The following MID2 variants were observed in gnomAD, a reference collection of about 807,000 sequenced individuals.
The protein encoded by MID2 is probable E3 ubiquitin-protein ligase MID2.
In MID2, 13 loss-of-function variants were observed where a neutral mutation model predicts 46.1. The ratio of observed to expected loss-of-function variants is 0.28; its 90% CI spans 0.18 to 0.45. MID2 has a LOEUF of 0.45. Ranked by LOEUF, MID2 falls within the 20% of genes least tolerant of loss-of-function variation. The probability of loss-of-function intolerance (pLI) is 1.00; values close to 1 mark genes in which losing one functional copy is unlikely to be tolerated. For synonymous variants in MID2, 199 were observed against 212.3 expected (o/e 0.94, Z 0.55); for missense variants, 431 against 575.4 (o/e 0.75, Z 2.57).
intron 1 of MID2, among the ~76,000 whole-genome samples, chrX:107,840,098 TC>T (rs755490200): frequency 1.8e-5 from 2 of 112,602 alleles, no homozygotes; most frequent in South Asian, 7.4e-4. Flanking sequence ...AAGTTCACAC[TC>T]TGAGGAAAAA....
chrX:107,859,124 A>G (rs936015697), intron 3 of MID2, among the ~76,000 whole-genome samples: 21 of 111,875 alleles, frequency 1.9e-4, no homozygotes, highest in Non-Finnish European at 3.2e-4. Flanking sequence ...TTGGAAGGAT[A>G]TTTAGTTTGG....
intron 5 of MID2, among the ~76,000 whole-genome samples, chrX:107,906,038 T>TA (rs1356159095): frequency 8.9e-6 from 1 of 112,075 alleles, no homozygotes; most frequent in Non-Finnish European, 1.9e-5. Flanking sequence ...GGCCTTTATT[T>TA]AATCACTCAC....
chrX:107,850,828 C>T (rs1298318855), intron 2 of MID2, among the ~76,000 whole-genome samples: 1 of 111,819 alleles, frequency 8.9e-6, no homozygotes, highest in Non-Finnish European at 1.9e-5. Context: ...AAGAGGAACA[C>T]ATAGCAGAGA....
Position 107,928,139 on chromosome X carries a change from TTTAC to T in MID2, c.*1070_*1073del, listed in dbSNP as rs1933218596. ...CAGTGAAGGCTCTTTAGGAACCTAC[TTTAC>T]TTAATCAGTAAAAATTGAGTATTAT... is the stretch of plus-strand genomic sequence containing the variant. On this transcript the variant is annotated 3_prime_UTR_variant, in exon 10 of 10. Coordinates refer to ENST00000262843, the MANE Select transcript of MID2 (RefSeq NM_012216.4). Among the ~76,000 whole-genome samples the T allele has an allele frequency of 8.9e-6, 1 of 112,316 alleles. No homozygotes were observed. Among genetic ancestry groups the T allele is most frequent in the Non-Finnish European group, 1.9e-5 (1 of 53,255 alleles).
chrX:107,880,753 A>G (rs753350718), intron 3 of MID2, among the ~76,000 whole-genome samples: 1 of 112,048 alleles, frequency 8.9e-6, no homozygotes, highest in Non-Finnish European at 1.9e-5. Flanking sequence ...GTGGTCTCTC[A>G]TTAGCTTTAC....
intron 3 of MID2, among the ~76,000 whole-genome samples, chrX:107,878,408 C>T (rs920955866): frequency 8.9e-6 from 1 of 112,267 alleles, no homozygotes; most frequent in Admixed American, 9.4e-5. Flanking sequence ...TAAGAACAAA[C>T]GGAAATCACA....
intron 7 of MID2, among the ~76,000 whole-genome samples, chrX:107,922,085 C>T (rs1028339301): frequency 9.0e-6 from 1 of 111,655 alleles, no homozygotes; most frequent in East Asian, 2.8e-4. Flanking sequence ...TGTGCACATA[C>T]ACAAACATAT....
At chrX:107,828,785 T>G (rs1931025527) in intron 1 of MID2, among the ~76,000 whole-genome samples, 1 of 112,702 alleles carries the variant, frequency 8.9e-6, no homozygotes, top group Non-Finnish European at 1.9e-5. Flanking sequence ...TCATAGTTGG[T>G]GCACTTGTGT....
rs1176179640 is a variant in MID2, at chrX:107,926,271, A to C, written c.1775A>C (p.Tyr592Ser). ...GNIFIDSGCH[Y>S]WEVVMGSSTW... ...ATATTCATTGACAGTGGCTGCCACT[A>C]TTGGGAGGTGGTCATGGGTTCCTCA... Residue 592 changes from tyrosine to serine, a missense_variant, in exon 9 of 10, where the codon TAT becomes TCT. Tyr to Ser is a moderately radical substitution (Grantham distance 144). Transcript: ENST00000262843. 1 of 1,209,803 alleles carries C rather than the reference A, an allele frequency of 8.3e-7. No individual in the cohort carries two copies. The highest frequency in any genetic ancestry group is 1.8e-5 in the South Asian group (1 of 56,742).
intron 3 of MID2, among the ~76,000 whole-genome samples, chrX:107,892,895 T>C (rs1932634070): frequency 8.9e-6 from 1 of 112,668 alleles, no homozygotes; most frequent in Non-Finnish European, 1.9e-5. Context: ...GTAGCACTCC[T>C]CAAACAGGTA....
At chrX:107,890,399 C>T (rs1932571374) in intron 3 of MID2, among the ~76,000 whole-genome samples, 1 of 112,086 alleles carries the variant, frequency 8.9e-6, no homozygotes, top group African/African-American at 3.2e-5. Context: ...ACCCTGTTTG[C>T]CTGGGTATCA....
In MID2 at chrX:107,826,165, G is replaced by T. The variant is rs982157989; in HGVS notation, c.-262G>T. 1.0e-5 allele frequency: 3 copies of T among 295,718 alleles called. No individual in the cohort carries two copies. The highest frequency in any genetic ancestry group is 1.2e-4 in the Admixed American group (2 of 16,305). The allele number at this position is 295,718 out of a possible 1,213,427, so 24.4% of individuals were successfully genotyped here. On this transcript the variant is annotated 5_prime_UTR_variant, in exon 1 of 10. Transcript: ENST00000262843. ...GGCGAAAACTCTTAAGTTTAGCTCG[G>T]GAGGCCCAGCTGCGGTAGCATCGCG...
Position 107,866,064 on chromosome X carries a change from A to G in MID2, c.816+11360A>G, listed in dbSNP as rs763120295. Among the ~76,000 whole-genome samples, 23 of 112,345 alleles carry G rather than the reference A, an allele frequency of 2.0e-4. No homozygotes were observed. In the South Asian group the frequency reaches 8.5e-3, roughly 41 times the overall value. ...GAAGGAGAAACAATTACACGATGCCAGTTTACTCTATAGTGCACATATAAT... is the reference window on the plus strand; with the variant it reads ...GAAGGAGAAACAATTACACGATGCCGGTTTACTCTATAGTGCACATATAAT... On this transcript the variant is annotated intron_variant, in intron 3 of 9. Coordinates refer to ENST00000262843, the MANE Select transcript of MID2 (RefSeq NM_012216.4).
chrX:107,905,169 A>G (rs1304378299), intron 4 of MID2, among the ~76,000 whole-genome samples: 3 of 111,534 alleles, frequency 2.7e-5, no homozygotes, highest in African/African-American at 6.5e-5. Context: ...TGAATTTTCT[A>G]TAATGGGCAT....
intron 1 of MID2, among the ~76,000 whole-genome samples, chrX:107,829,335 A>G (rs1411271586): frequency 8.9e-6 from 1 of 112,160 alleles, no homozygotes; most frequent in Non-Finnish European, 1.9e-5. Flanking sequence ...TTTTTCTCCA[A>G]TACATGTTCA....
intron 1 of MID2, among the ~76,000 whole-genome samples, chrX:107,830,969 A>G (rs536217798): frequency 9.0e-6 from 1 of 111,262 alleles, no homozygotes. Context: ...ATAGGCAGAT[A>G]TAATCCTTTT....
intron 6 of MID2, 111 bp from the exon 7 acceptor site, chrX:107,917,395 A>G (rs1246081111): frequency 3.2e-6 from 2 of 627,443 alleles, no homozygotes; most frequent in Admixed American, 2.9e-5. Context: ...AAGATTCTCT[A>G]TTAAGAAAAT....
intron 5 of MID2, among the ~76,000 whole-genome samples, chrX:107,907,506 C>G (rs1272084998): frequency 8.9e-6 from 1 of 111,875 alleles, no homozygotes; most frequent in Non-Finnish European, 1.9e-5. Flanking sequence ...AGAGATGTCT[C>G]TTCATTTGTG....
chrX:107,849,415 G>A (rs1275096445), intron 2 of MID2, among the ~76,000 whole-genome samples: 2 of 110,124 alleles, frequency 1.8e-5, no homozygotes, highest in African/African-American at 6.6e-5. Flanking sequence ...CTTGATGTAC[G>A]CCTAGTTTTC....
Sources: allele counts gnomAD v4.1 joint callset (sites outside exome capture counted in the v4.1 genomes callset), GRCh38; gene constraint gnomAD v4.1.1; transcripts MANE v1.5; gene names NCBI Gene and HGNC (gene_info 2026-07-23, HGNC 2026-07-21).